Variants in DTNA observed in about 807,000 individuals in gnomAD.
DTNA encodes the protein dystrophin-related protein 3.
A neutral mutation model predicts 100.7 loss-of-function variants in DTNA; 43 were observed. That is an observed-to-expected ratio of 0.43 (90% CI 0.33 to 0.55). DTNA has a LOEUF of 0.55. Ranked by LOEUF, DTNA falls within the 20% of genes least tolerant of loss-of-function variation. DTNA has a pLI of 0.04. For synonymous variants in DTNA, 349 were observed against 347.9 expected (o/e 1.00, Z -0.04); for missense variants, 798 against 953.9 (o/e 0.84, Z 2.15).
At chr18:34,607,399 T>A (rs768595264) in intron 1 of DTNA, among the ~76,000 whole-genome samples, 2 of 152,200 alleles carry the variant, frequency 1.3e-5, no homozygotes, top group African/African-American at 4.8e-5. Context: ...AAATGTTAGA[T>A]GTAACAGATT....
intron 11 of DTNA, among the ~76,000 whole-genome samples, chr18:34,831,407 G>A (rs1054786269): frequency 6.6e-6 from 1 of 152,152 alleles, no homozygotes; most frequent in Admixed American, 6.5e-5. Flanking sequence ...AATTCATATA[G>A]CATGTTGAAC....
chr18:34,875,115 AC>A (rs2096801983), intron 17 of DTNA, 123 bp from the exon 18 acceptor site: 1 of 1,387,942 alleles, frequency 7.2e-7, no homozygotes, highest in Non-Finnish European at 9.9e-7. Flanking sequence ...CAACACAATT[AC>A]CTAGGATTTC....
chr18:34,848,903 A>G (rs1249081593), intron 14 of DTNA, among the ~76,000 whole-genome samples: 1 of 152,274 alleles, frequency 6.6e-6, no homozygotes, highest in Non-Finnish European at 1.5e-5. Context: ...TGCGTCACAA[A>G]GGACAAAGAG....
At chr18:34,761,126 TCACACACA>T (rs6146260) in intron 2 of DTNA, among the ~76,000 whole-genome samples, 12,493 of 148,906 alleles carry the variant, frequency 0.084, 514 homozygotes, top group South Asian at 0.093. Flanking sequence ...CCTCCATCCT[TCACACACA>T]CACACACACA....
chr18:34,803,014 C>A (rs556580055), intron 4 of DTNA, among the ~76,000 whole-genome samples: 2 of 152,208 alleles, frequency 1.3e-5, no homozygotes, highest in South Asian at 4.2e-4. Context: ...TTTAGTGCTC[C>A]CATTCTCTGT....
At chr18:34,649,077 TG>T (rs1225873837) in intron 1 of DTNA, among the ~76,000 whole-genome samples, 1 of 152,330 alleles carries the variant, frequency 6.6e-6, no homozygotes, top group Admixed American at 6.5e-5. Context: ...TTTATTAGAA[TG>T]TTTTTTTGGA....
intron 3 of DTNA, among the ~76,000 whole-genome samples, chr18:34,786,125 T>G (rs554995784): frequency 2.0e-3 from 300 of 152,318 alleles, no homozygotes; most frequent in Middle Eastern, 3.4e-3. Flanking sequence ...GAATACTGAA[T>G]GAAACTTTCC....
rs751436638 is a variant in DTNA at position 34,794,170 on chromosome 18, A to G, written c.282A>G (p.Lys94=). 9 of 1,614,110 alleles carry G rather than the reference A, an allele frequency of 5.6e-6. No individual in the cohort carries two copies. The South Asian group carries it at 8.8e-5, about 16-fold the overall frequency. ...CCACTATTTTTTACCAGCTCAACAA[A>G]CGGATGCCAACCACTCACCAAATCC... The part of the protein sequence containing the change: ...VLSTIFYQLN[K]RMPTTHQIHV... Residue 94 remains lysine (K), a synonymous_variant, in exon 4 of 23, where the codon AAA becomes AAG. Transcript: ENST00000444659.
chr18:34,603,440 A>G (rs1026992744), intron 1 of DTNA, among the ~76,000 whole-genome samples: 1 of 152,114 alleles, frequency 6.6e-6, no homozygotes, highest in African/African-American at 2.4e-5. Flanking sequence ...TAAAATCTAC[A>G]TGTAAAATTT....
intron 1 of DTNA, among the ~76,000 whole-genome samples, chr18:34,512,636 G>A (rs1348325723): frequency 2.6e-5 from 4 of 152,020 alleles, no homozygotes; most frequent in East Asian, 3.9e-4. Flanking sequence ...GAGTGCAACC[G>A]TAACTCCACA....
intron 17 of DTNA, among the ~76,000 whole-genome samples, chr18:34,872,609 A>T (rs1385969044): frequency 1.3e-5 from 2 of 152,220 alleles, no homozygotes; most frequent in Non-Finnish European, 2.9e-5. Context: ...TGCAAATAAG[A>T]GATTGTAGGC....
intron 7 of DTNA, 190 bp from the exon 8 acceptor site, chr18:34,817,974 C>T (rs2095632837): frequency 6.8e-7 from 1 of 1,477,802 alleles, no homozygotes; most frequent in Non-Finnish European, 9.0e-7. Flanking sequence ...CATTTCATTT[C>T]CCCACAGGCA....
intron 1 of DTNA, among the ~76,000 whole-genome samples, chr18:34,539,250 T>A (rs2044016993): frequency 6.6e-6 from 1 of 151,698 alleles, no homozygotes; most frequent in African/African-American, 2.4e-5. Context: ...CTTCTAGGAT[T>A]CCATTCAAAA....
chr18:34,654,710 G>A (rs1232591007), intron 1 of DTNA, among the ~76,000 whole-genome samples: 1 of 152,060 alleles, frequency 6.6e-6, no homozygotes, highest in African/African-American at 2.4e-5. Flanking sequence ...TGTTTAGAAA[G>A]TGGACTGTAA....
chr18:34,655,787 A>C (rs2144214066), intron 1 of DTNA, among the ~76,000 whole-genome samples: 1 of 152,342 alleles, frequency 6.6e-6, no homozygotes, highest in Admixed American at 6.5e-5. Flanking sequence ...TAAAACTCTT[A>C]CTTTGTTAGA....
chr18:34,640,002 T>A (rs2059096326), intron 1 of DTNA, among the ~76,000 whole-genome samples: 1 of 152,210 alleles, frequency 6.6e-6, no homozygotes, highest in East Asian at 1.9e-4. Flanking sequence ...CAGTGAATAC[T>A]TGAAAAACAA....
chr18:34,737,258 C>G (rs1465135434), intron 1 of DTNA, among the ~76,000 whole-genome samples: 1 of 152,142 alleles, frequency 6.6e-6, no homozygotes, highest in Non-Finnish European at 1.5e-5. Context: ...AGGCTGTTAT[C>G]TAAGTTCAAA....
intron 1 of DTNA, among the ~76,000 whole-genome samples, chr18:34,656,116 G>A (rs1405810807): frequency 1.3e-5 from 2 of 152,178 alleles, no homozygotes; most frequent in Non-Finnish European, 2.9e-5. Flanking sequence ...TTGCATTACA[G>A]GATGGTTTAT....
At chr18:34,644,097 A>G (rs977386293) in intron 1 of DTNA, among the ~76,000 whole-genome samples, 1 of 152,164 alleles carries the variant, frequency 6.6e-6, no homozygotes, top group South Asian at 2.1e-4. Flanking sequence ...AATAAGCTAA[A>G]TCTCTTTTGA....
Sources: gnomAD v4.1 joint callset for allele counts (sites outside exome capture counted in the v4.1 genomes callset) on GRCh38, gnomAD v4.1.1 for gene constraint, MANE v1.5 for transcripts, NCBI Gene and HGNC (gene_info 2026-07-23, HGNC 2026-07-21) for gene names.